RAB3GAP1: variants seen among roughly 807,000 people sequenced by gnomAD.
RAB3GAP1 encodes the protein RAB3 GTPase activating protein catalytic subunit 1.
A neutral mutation model predicts 130.7 loss-of-function variants in RAB3GAP1; 86 were observed. The observed-to-expected ratio is 0.66, with a 90% CI of 0.55 to 0.79. The LOEUF is 0.79. Among genes scored for constraint, RAB3GAP1 ranks in the 30% least tolerant of loss-of-function variants. RAB3GAP1 has a pLI of 0.00. For synonymous variants in RAB3GAP1, 367 were observed against 401.7 expected (o/e 0.91, Z 1.03); for missense variants, 1,029 against 1,169.4 (o/e 0.88, Z 1.75).
intron 22 of RAB3GAP1, 148 bp downstream of exon 22, chr2:135,163,249 A>G (rs985964024): frequency 1.4e-6 from 1 of 711,588 alleles, no homozygotes; most frequent in African/African-American, 1.8e-5. Context: ...AATAATTATC[A>G]TAGCATTTGA....
At chr2:135,145,519 G>A (rs1691968822) in intron 17 of RAB3GAP1, among the ~76,000 whole-genome samples, 1 of 152,034 alleles carries the variant, frequency 6.6e-6, no homozygotes, top group South Asian at 2.1e-4. Context: ...ATGATAGTTA[G>A]GAATACTGTC....
chr2:135,168,473 C>A, intron 23 of RAB3GAP1, 72 bp from the exon 24 acceptor site: 1 of 1,152,264 alleles, frequency 8.7e-7, no homozygotes, highest in Non-Finnish European at 1.3e-6. Flanking sequence ...TATGTTAATT[C>A]ATCTGTCCTT....
At chr2:135,152,481 C>G (rs1336715802) in intron 18 of RAB3GAP1, among the ~76,000 whole-genome samples, 1 of 152,150 alleles carries the variant, frequency 6.6e-6, no homozygotes, top group East Asian at 1.9e-4. Flanking sequence ...TTACTCTGGG[C>G]CTCTGGTTTC....
At position 135,135,905 on chromosome 2, in the gene RAB3GAP1, A is replaced by C; in HGVS notation, c.1896A>C (p.Gly632=). ...GGAAACTTACACTGCTGCATAATGG[A>C]GAACCTCTCTACATTCCAGTAACCC... ...QHGKLTLLHN[G]EPLYIPVTQE... Residue 632 remains glycine, a synonymous_variant, in exon 17 of 24, where the codon GGA becomes GGC. Coordinates refer to ENST00000264158, the MANE Select transcript of RAB3GAP1 (RefSeq NM_012233.3). 1 of 1,614,124 alleles carries C rather than the reference A, an allele frequency of 6.2e-7. No homozygotes were observed. The highest frequency in any genetic ancestry group is 2.2e-5 in the East Asian group (1 of 44,886).
intron 5 of RAB3GAP1, among the ~76,000 whole-genome samples, chr2:135,103,653 T>A (rs1217513498): frequency 6.6e-6 from 1 of 152,322 alleles, no homozygotes; most frequent in Non-Finnish European, 1.5e-5. Flanking sequence ...TGGTGATAAC[T>A]GAGCTTTCTA....
intron 9 of RAB3GAP1, among the ~76,000 whole-genome samples, chr2:135,125,593 T>C (rs937173049): frequency 6.6e-6 from 1 of 152,216 alleles, no homozygotes; most frequent in Non-Finnish European, 1.5e-5. Flanking sequence ...ATATATCTCA[T>C]TGTACTATGC....
chr2:135,137,239 T>A (rs926056522), intron 17 of RAB3GAP1: 1 of 423,828 alleles, frequency 2.4e-6, no homozygotes, highest in Non-Finnish European at 4.7e-6. Context: ...GCTTTTATCT[T>A]GAGAACATGA....
intron 3 of RAB3GAP1, among the ~76,000 whole-genome samples, chr2:135,062,266 C>T (rs1347499258): frequency 2.0e-5 from 3 of 152,196 alleles, no homozygotes; most frequent in Non-Finnish European, 4.4e-5. Flanking sequence ...GCACTATTGA[C>T]ATTTTGGGCC....
At chr2:135,165,577 T>C (rs62170258) in intron 23 of RAB3GAP1, among the ~76,000 whole-genome samples, 6,399 of 152,316 alleles carry the variant, frequency 0.042, 157 homozygotes, top group African/African-American at 0.055. Flanking sequence ...CCAAATACAC[T>C]GATAGGAATT....
At chr2:135,161,096 C>T (rs1692454243) in intron 19 of RAB3GAP1, among the ~76,000 whole-genome samples, 1 of 152,138 alleles carries the variant, frequency 6.6e-6, no homozygotes, top group Non-Finnish European at 1.5e-5. Context: ...CAAGGATGTA[C>T]AACAGAGGGA....
At chr2:135,094,246 A>C (rs1425016185) in intron 5 of RAB3GAP1, among the ~76,000 whole-genome samples, 1 of 151,048 alleles carries the variant, frequency 6.6e-6, no homozygotes, top group Non-Finnish European at 1.5e-5. Flanking sequence ...TTTCTTTTTT[A>C]TTTTTTTGGT....
chr2:135,124,162 T>C lies in RAB3GAP1; in HGVS notation c.749-3T>C. Reference sequence around the variant, plus strand: ...ATGATGGAAAAATATTTCTTTTGTTTAGACATAGATGCCCTTGTAGGAGGA... The same window carrying C: ...ATGATGGAAAAATATTTCTTTTGTTCAGACATAGATGCCCTTGTAGGAGGA... On this transcript the variant is annotated splice_region_variant and splice_polypyrimidine_tract_variant and intron_variant, in intron 8 of 23. Transcript: ENST00000264158. The C allele has an allele frequency of 3.1e-6, 5 of 1,613,310 alleles. No individual in the cohort carries two copies. Among genetic ancestry groups the C allele is most frequent in the Non-Finnish European group, 4.2e-6 (5 of 1,179,242 alleles).
chr2:135,120,140 T>C (rs1464491479), intron 7 of RAB3GAP1, among the ~76,000 whole-genome samples: 2 of 152,338 alleles, frequency 1.3e-5, no homozygotes, highest in East Asian at 3.8e-4. Context: ...ATAATACTTT[T>C]ACTTATTTGA....
chr2:135,104,254 C>T (rs1276339467), intron 5 of RAB3GAP1, among the ~76,000 whole-genome samples: 6 of 152,086 alleles, frequency 3.9e-5, no homozygotes, highest in Admixed American at 3.9e-4. Context: ...TTATGAAATA[C>T]AAACAAATTG....
chr2:135,136,276 A>G (rs1353585797), intron 17 of RAB3GAP1, among the ~76,000 whole-genome samples: 1 of 152,132 alleles, frequency 6.6e-6, no homozygotes, highest in Non-Finnish European at 1.5e-5. Context: ...CAGTGAGCCG[A>G]GATTGCACCA....
At chr2:135,061,005 T>TC (rs1689155799) in intron 3 of RAB3GAP1, among the ~76,000 whole-genome samples, 2 of 138,734 alleles carry the variant, frequency 1.4e-5, no homozygotes, top group South Asian at 4.3e-4. Flanking sequence ...GGCCCAGCCT[T>TC]TTTTTTTTTT....
rs774697567 is a variant in RAB3GAP1, at chr2:135,162,623, T to C, written c.2358T>C (p.His786=). Residue 786 remains histidine, a synonymous_variant, in exon 20 of 24, where the codon CAT becomes CAC. Coordinates refer to ENST00000264158, the MANE Select transcript of RAB3GAP1 (RefSeq NM_012233.3). ...GGCACCTGTTACCTTGTGTGATTCA[T>C]GCAGCTGTACTCAAGGTAAAGGAAG... is the stretch of plus-strand genomic sequence containing the variant. ...LARHLLPCVI[H]AAVLKVKEEE... 1.9e-6 allele frequency: 3 copies of C among 1,614,022 alleles called. No homozygotes were observed. Among genetic ancestry groups the C allele is most frequent in the African/African-American group, 1.3e-5 (1 of 74,944 alleles).
chr2:135,102,401 G>A (rs78817541), intron 5 of RAB3GAP1, among the ~76,000 whole-genome samples: 1 of 152,184 alleles, frequency 6.6e-6, no homozygotes, highest in Admixed American at 6.5e-5. Flanking sequence ...CTGACCTGCA[G>A]AACTATAAGA....
chr2:135,088,820 G>T (rs1335097331), intron 3 of RAB3GAP1, among the ~76,000 whole-genome samples: 1 of 151,834 alleles, frequency 6.6e-6, no homozygotes, highest in African/African-American at 2.4e-5. Context: ...CCCTTTGTCA[G>T]ATGGATAGAT....
Sources: gnomAD v4.1 joint callset for allele counts (sites outside exome capture counted in the v4.1 genomes callset) on GRCh38, gnomAD v4.1.1 for gene constraint, MANE v1.5 for transcripts, NCBI Gene and HGNC (gene_info 2026-07-23, HGNC 2026-07-21) for gene names.